The following SRRM4 variants were observed in gnomAD, a reference collection of about 807,000 sequenced individuals.
SRRM4 encodes serine/arginine repetitive matrix 4.
A neutral mutation model predicts 68.9 loss-of-function variants in SRRM4; 33 were observed. That is an observed-to-expected ratio of 0.48 (90% confidence interval 0.36 to 0.64). The LOEUF is 0.64. SRRM4 is among the 30% of genes least tolerant of loss of function. SRRM4 has a pLI of 0.00. For synonymous variants in SRRM4, 318 were observed against 318.8 expected (o/e 1.00, Z 0.03); for missense variants, 817 against 827.1 (o/e 0.99, Z 0.15).
intron 1 of SRRM4, among the ~76,000 whole-genome samples, chr12:119,088,199 C>T (rs1451902215): frequency 6.6e-6 from 1 of 152,072 alleles, no homozygotes; most frequent in Non-Finnish European, 1.5e-5. Context: ...CCACAATACT[C>T]AGAAGGAGAT....
chr12:119,065,054 C>A (rs993469564), intron 1 of SRRM4, among the ~76,000 whole-genome samples: 31 of 152,140 alleles, frequency 2.0e-4, no homozygotes, highest in Admixed American at 1.7e-3. Flanking sequence ...TATTATCTCA[C>A]AACCACTTCA....
At chr12:118,992,177 G>C (rs1307517311) in intron 1 of SRRM4, 1 of 152,238 alleles carries the variant, frequency 6.6e-6, no homozygotes, top group Non-Finnish European at 1.5e-5. Context: ...AAAAGAGAGA[G>C]ATTTGCCTAA....
At chr12:119,063,944 A>C (rs2136022838) in intron 1 of SRRM4, among the ~76,000 whole-genome samples, 1 of 152,352 alleles carries the variant, frequency 6.6e-6, no homozygotes, top group Middle Eastern at 3.4e-3. Context: ...CCAGGCTTTA[A>C]CATACCATGA....
intron 1 of SRRM4, among the ~76,000 whole-genome samples, chr12:118,986,566 C>T (rs755230114): frequency 3.9e-4 from 59 of 152,272 alleles, no homozygotes; most frequent in Middle Eastern, 3.4e-3. Flanking sequence ...AGTTCTGAGA[C>T]GCTGAGGCTT....
intron 2 of SRRM4, among the ~76,000 whole-genome samples, chr12:119,103,913 G>A (rs1954091757): frequency 6.6e-6 from 1 of 152,182 alleles, no homozygotes; most frequent in Admixed American, 6.5e-5. Flanking sequence ...TGAGGCAGAA[G>A]AATTGCTTGT....
At chr12:119,003,294 A>G (rs1443950045) in intron 1 of SRRM4, among the ~76,000 whole-genome samples, 1 of 151,538 alleles carries the variant, frequency 6.6e-6, no homozygotes, top group Non-Finnish European at 1.5e-5. Flanking sequence ...AGCGTCATCC[A>G]ATCTAAGACC....
chr12:119,052,403 G>A (rs536366758), intron 1 of SRRM4, among the ~76,000 whole-genome samples: 32 of 152,188 alleles, frequency 2.1e-4, no homozygotes, highest in South Asian at 1.2e-3. Flanking sequence ...GACTCACCTG[G>A]GAAAGAGATG....
chr12:119,061,551 G>T (rs1592882099), intron 1 of SRRM4, among the ~76,000 whole-genome samples: 1 of 152,100 alleles, frequency 6.6e-6, no homozygotes. Context: ...CGGAATGCGT[G>T]CTATTGAAAA....
intron 1 of SRRM4, among the ~76,000 whole-genome samples, chr12:119,071,355 G>T (rs1953876764): frequency 6.6e-6 from 1 of 152,188 alleles, no homozygotes; most frequent in African/African-American, 2.4e-5. Context: ...TTTCCTAGCT[G>T]TGCGATCTTG....
chr12:119,153,451 A>T lies in SRRM4; in HGVS notation c.1281-88A>T. Reference sequence around the variant, plus strand: ...TCCAGAAAGAAAAAGGTCACTGCCCAGGGACCCGCTGAATAAAGCTCAAGC... The same window carrying T: ...TCCAGAAAGAAAAAGGTCACTGCCCTGGGACCCGCTGAATAAAGCTCAAGC... On this transcript the variant is annotated intron_variant, in intron 10 of 12. Coordinates refer to ENST00000267260, the MANE Select transcript of SRRM4 (RefSeq NM_194286.4). 7 of 860,480 alleles carry T rather than the reference A, an allele frequency of 8.1e-6. No homozygotes were observed. In the South Asian group the frequency reaches 1.1e-4, roughly 13 times the overall value. The allele number at this position is 860,480 out of a possible 1,614,324, so 53.3% of individuals were successfully genotyped here. A position where few individuals can be genotyped will look rare whatever the true frequency, so the allele number is the denominator to read the frequency against.
chr12:119,019,271 G>C (rs975701911), intron 1 of SRRM4, among the ~76,000 whole-genome samples: 1 of 152,172 alleles, frequency 6.6e-6, no homozygotes, highest in Non-Finnish European at 1.5e-5. Context: ...CAAATCCTTT[G>C]TGCAATGTGA....
At chr12:119,125,314 T>G in intron 6 of SRRM4, 67 bp from the exon 7 acceptor site, 1 of 1,426,412 alleles carries the variant, frequency 7.0e-7, no homozygotes, top group Non-Finnish European at 9.8e-7. Context: ...CAAGATCAAA[T>G]CTCTCACTCT....
chr12:119,055,875 T>G (rs949219410), intron 1 of SRRM4, among the ~76,000 whole-genome samples: 4 of 152,262 alleles, frequency 2.6e-5, no homozygotes, highest in Non-Finnish European at 5.9e-5. Context: ...AGTGGGCATC[T>G]GCCCAAGGTC....
chr12:119,095,715 C>A (rs1415597494), intron 1 of SRRM4, among the ~76,000 whole-genome samples: 1 of 152,104 alleles, frequency 6.6e-6, no homozygotes, highest in Non-Finnish European at 1.5e-5. Flanking sequence ...CACATAAGAC[C>A]AGTCCTATCT....
intron 9 of SRRM4, among the ~76,000 whole-genome samples, chr12:119,146,416 G>A (rs1205687119): frequency 6.6e-6 from 1 of 151,506 alleles, no homozygotes; most frequent in South Asian, 2.1e-4. Flanking sequence ...GAGAAACCCT[G>A]TCTCTACTAG....
chr12:119,080,292 AAAATATTGTCTTC>A (rs1426420018), intron 1 of SRRM4, among the ~76,000 whole-genome samples: 7 of 152,138 alleles, frequency 4.6e-5, no homozygotes, highest in African/African-American at 1.7e-4. Context: ...AATAGGAGAA[AAAATATTGTCTTC>A]ACAGCATTGT....
At chr12:119,002,993 AT>A in intron 1 of SRRM4, among the ~76,000 whole-genome samples, 1 of 151,106 alleles carries the variant, frequency 6.6e-6, no homozygotes, top group South Asian at 2.1e-4. Context: ...CATTATCCTT[AT>A]TTTACAGTTG....
chr12:118,988,083 G>T (rs1047664334), intron 1 of SRRM4, among the ~76,000 whole-genome samples: 2 of 151,654 alleles, frequency 1.3e-5, no homozygotes, highest in African/African-American at 4.8e-5. Context: ...ACATATTATT[G>T]TCTTAAGCAT....
intron 5 of SRRM4, 42 bp from the exon 6 acceptor site, chr12:119,122,028 A>G (rs1565913201): frequency 9.6e-6 from 13 of 1,351,800 alleles, no homozygotes; most frequent in Non-Finnish European, 9.6e-6. Context: ...ATCTTTAACT[A>G]GAATTTTGCA....
Sources: gnomAD v4.1 joint callset for allele counts (sites outside exome capture counted in the v4.1 genomes callset) on GRCh38, gnomAD v4.1.1 for gene constraint, MANE v1.5 for transcripts, NCBI Gene and HGNC (gene_info 2026-07-23, HGNC 2026-07-21) for gene names.